The following LAMA3 variants were observed in gnomAD, a reference collection of about 807,000 sequenced individuals.
LAMA3 encodes the protein laminin subunit alpha-3.
Under a neutral mutation model 402.0 loss-of-function variants are expected in LAMA3, and 281 were observed. The observed-to-expected ratio is 0.70, with a 90% CI of 0.63 to 0.77. The LOEUF is 0.77. Ranked by LOEUF, LAMA3 falls within the 30% of genes least tolerant of loss-of-function variation. The pLI is 0.00. For synonymous variants in LAMA3, 1,431 were observed against 1,558.4 expected (o/e 0.92, Z 1.93); for missense variants, 3,840 against 4,215.5 (o/e 0.91, Z 2.47).
intron 73 of LAMA3, among the ~76,000 whole-genome samples, chr18:23,952,363 A>G (rs144556141): frequency 1.3e-5 from 2 of 152,326 alleles, no homozygotes; most frequent in East Asian, 3.9e-4. Flanking sequence ...ATTAATGCTA[A>G]CTATTTAGAC....
intron 35 of LAMA3, among the ~76,000 whole-genome samples, chr18:23,863,966 T>C (rs1214555738): frequency 6.6e-6 from 1 of 152,204 alleles, no homozygotes; most frequent in African/African-American, 2.4e-5. Flanking sequence ...CCATGGCTAC[T>C]GTACACAGCA....
rs188103118 is a variant in LAMA3, at chr18:23,834,036, A to C, written c.2984+48A>C. The C allele has an allele frequency of 1.2e-4, 188 of 1,606,642 alleles. No individual in the cohort carries two copies. The African/African-American group carries it at 2.5e-3, about 21-fold the overall frequency. On this transcript the variant is annotated intron_variant, in intron 24 of 74. Transcript: ENST00000313654. Reference sequence around the variant, plus strand: ...TTCCTCTGTAAAGGAACAATTAGGAAATCTGCCTTAGGAACTTTGGCTGTT... The same window carrying C: ...TTCCTCTGTAAAGGAACAATTAGGACATCTGCCTTAGGAACTTTGGCTGTT...
chr18:23,690,502 C>CA (rs1462418377), intron 1 of LAMA3, among the ~76,000 whole-genome samples: 1 of 152,212 alleles, frequency 6.6e-6, no homozygotes, highest in Non-Finnish European at 1.5e-5. Context: ...TGCCACCATC[C>CA]AGTCATTGGG....
At chr18:23,874,015 T>C (rs1411853355) in intron 38 of LAMA3, among the ~76,000 whole-genome samples, 1 of 152,236 alleles carries the variant, frequency 6.6e-6, no homozygotes, top group Non-Finnish European at 1.5e-5. Context: ...GATTCTATTT[T>C]AGTAACTGAC....
chr18:23,819,429 C>T (rs141157370), intron 18 of LAMA3, among the ~76,000 whole-genome samples: 61 of 152,164 alleles, frequency 4.0e-4, no homozygotes, highest in African/African-American at 1.4e-3. Context: ...TACCTATGGT[C>T]CTTAGCAAGA....
At chr18:23,859,910 T>G (rs1598939240) in intron 34 of LAMA3, among the ~76,000 whole-genome samples, 1 of 152,142 alleles carries the variant, frequency 6.6e-6, no homozygotes, top group Non-Finnish European at 1.5e-5. Flanking sequence ...CAAGCCCCCA[T>G]CCTGAAGCTA....
intron 12 of LAMA3, among the ~76,000 whole-genome samples, chr18:23,809,822 G>A (rs929562468): frequency 2.6e-5 from 4 of 152,104 alleles, no homozygotes; most frequent in African/African-American, 9.7e-5. Context: ...ATAAAGAGAG[G>A]AGGAAAGAGA....
At chr18:23,846,262 C>G (rs1211859649) in intron 30 of LAMA3, 35 bp from the exon 31 acceptor site, 2 of 1,606,020 alleles carry the variant, frequency 1.2e-6, no homozygotes, top group Non-Finnish European at 1.7e-6. Context: ...ACACACCTCC[C>G]CAGGCATCAC....
In LAMA3 at chr18:23,952,938, A is replaced by G. The variant is rs1291015578; in HGVS notation, c.9737-52A>G. 3.7e-6 allele frequency: 6 copies of G among 1,612,450 alleles called. No homozygotes were observed. In the African/African-American group the frequency reaches 8.0e-5, roughly 22 times the overall value. The stretch of plus-strand genomic sequence containing the variant: ...TTAAAACAAAGTCAATGGTGTAGAC[A>G]TTAAGCAGGGCTCACCTCCGATGAT... On this transcript the variant is annotated intron_variant, in intron 73 of 74. Transcript: ENST00000313654.
At chr18:23,798,905 G>A (rs549159302) in intron 12 of LAMA3, among the ~76,000 whole-genome samples, 1 of 152,266 alleles carries the variant, frequency 6.6e-6, no homozygotes, top group Admixed American at 6.5e-5. Context: ...GTGTTGCTTC[G>A]CTCATGAGCT....
Position 23,708,489 on chromosome 18 carries a change from C to T in LAMA3, c.295-5431C>T, listed in dbSNP as rs568564581. On this transcript the variant is annotated intron_variant, in intron 1 of 74. Coordinates refer to ENST00000313654, the MANE Select transcript of LAMA3 (RefSeq NM_198129.4). ...TTGATATTATCTTCTAGCTAACTCT[C>T]CATTTATGTAGATTTTCAAAATTCT... Among the ~76,000 whole-genome samples, 6 of 152,234 alleles carry T rather than the reference C, an allele frequency of 3.9e-5. 1 individual carries two copies. In the South Asian group the frequency reaches 1.2e-3, roughly 32 times the overall value.
At chr18:23,791,489 TG>T (rs2062653143) in intron 12 of LAMA3, among the ~76,000 whole-genome samples, 1 of 152,086 alleles carries the variant, frequency 6.6e-6, no homozygotes, top group Non-Finnish European at 1.5e-5. Flanking sequence ...CCCAGCACTT[TG>T]GGAGGCCAAG....
intron 37 of LAMA3, among the ~76,000 whole-genome samples, chr18:23,870,140 T>G (rs1417723251): frequency 8.6e-5 from 13 of 152,026 alleles, no homozygotes; most frequent in African/African-American, 3.1e-4. Flanking sequence ...CTGTCTCTAC[T>G]AAAAATACAA....
At chr18:23,869,376 A>C (rs1442578918) in intron 37 of LAMA3, among the ~76,000 whole-genome samples, 1 of 152,240 alleles carries the variant, frequency 6.6e-6, no homozygotes, top group Admixed American at 6.5e-5. Flanking sequence ...AATGTAGATT[A>C]GTGGTTGCCT....
At chr18:23,739,932 G>GT (rs1464652406) in intron 2 of LAMA3, among the ~76,000 whole-genome samples, 2 of 152,198 alleles carry the variant, frequency 1.3e-5, no homozygotes, top group Non-Finnish European at 2.9e-5. Context: ...AAATCTCTTT[G>GT]TTTTGGAAGA....
chr18:23,802,359 G>A (rs2062880473), intron 12 of LAMA3, among the ~76,000 whole-genome samples: 1 of 152,148 alleles, frequency 6.6e-6, no homozygotes, highest in Non-Finnish European at 1.5e-5. Flanking sequence ...CTGGTGAAGT[G>A]ACACAAATCT....
At chr18:23,828,207 A>C (rs1373626197) in intron 23 of LAMA3, among the ~76,000 whole-genome samples, 1 of 152,164 alleles carries the variant, frequency 6.6e-6, no homozygotes, top group East Asian at 1.9e-4. Flanking sequence ...TGGGGGATTA[A>C]ATTTGTGGGA....
intron 15 of LAMA3, 144 bp downstream of exon 15, chr18:23,814,646 C>T (rs971964189): frequency 5.9e-5 from 38 of 645,506 alleles, no homozygotes; most frequent in Non-Finnish European, 3.3e-5. Flanking sequence ...GTTTTCCCCC[C>T]ACTTTTGACA....
chr18:23,770,748 G>A (rs138966205), intron 8 of LAMA3, among the ~76,000 whole-genome samples: 11,387 of 152,120 alleles, frequency 0.075, 601 homozygotes, highest in Middle Eastern at 0.12. Flanking sequence ...GCGACAGAGC[G>A]AGACTCTGTC....
Sources: allele counts gnomAD v4.1 joint callset (sites outside exome capture counted in the v4.1 genomes callset), GRCh38; gene constraint gnomAD v4.1.1; transcripts MANE v1.5; gene names NCBI Gene and HGNC (gene_info 2026-07-23, HGNC 2026-07-21).